CADPS: variants seen among roughly 807,000 people sequenced by gnomAD.
The protein encoded by CADPS is calcium-dependent secretion activator 1.
Under a neutral mutation model 167.3 loss-of-function variants are expected in CADPS, and 57 were observed. The ratio of observed to expected loss-of-function variants is 0.34; its 90% CI spans 0.28 to 0.42. CADPS has a LOEUF of 0.42. Among genes scored for constraint, CADPS ranks in the 20% least tolerant of loss-of-function variants. The pLI, the probability that CADPS is intolerant of heterozygous loss-of-function variation, is 1.00. For synonymous variants in CADPS, 676 were observed against 635.3 expected (o/e 1.06, Z -0.96); for missense variants, 1,414 against 1,738.1 (o/e 0.81, Z 3.32).
At chr3:62,529,664 A>G (rs2073192611) in intron 13 of CADPS, among the ~76,000 whole-genome samples, 1 of 152,196 alleles carries the variant, frequency 6.6e-6, no homozygotes, top group Admixed American at 6.5e-5. Flanking sequence ...GACCTTCCCT[A>G]TTGGACCCGC....
chr3:62,847,227 G>A (rs141470686), intron 1 of CADPS, among the ~76,000 whole-genome samples: 3,544 of 147,580 alleles, frequency 0.024, 66 homozygotes, highest in South Asian at 0.067. Flanking sequence ...GTTCTTACCC[G>A]CCACCTCCAG....
intron 6 of CADPS, among the ~76,000 whole-genome samples, chr3:62,633,448 G>T (rs1442972509): frequency 6.6e-6 from 1 of 152,102 alleles, no homozygotes; most frequent in Non-Finnish European, 1.5e-5. Flanking sequence ...GGTCCCGTGA[G>T]ATCTGGCCCC....
chr3:62,814,760 C>A (rs1024281215), intron 1 of CADPS, among the ~76,000 whole-genome samples: 1 of 152,136 alleles, frequency 6.6e-6, no homozygotes, highest in African/African-American at 2.4e-5. Context: ...CTAGGGTATG[C>A]TTTATGCTCC....
rs755137044 is a variant in CADPS, at chr3:62,481,821, A to G, written c.3075T>C (p.Leu1025=). The change falls in exon 22 of 30, where the codon CTT becomes CTC. Residue 1025 remains leucine (L), a synonymous_variant. Coordinates refer to ENST00000383710, the MANE Select transcript of CADPS (RefSeq NM_003716.4). The part of the protein sequence containing the change: ...LPNVNLPNVN[L]PKVPNLPVNI... ...TAACTGGTAGATTTGGTACTTTGGGAAGGTTCACATTGGGTAGGTTCACAT... is the reference window on the plus strand; with the variant it reads ...TAACTGGTAGATTTGGTACTTTGGGGAGGTTCACATTGGGTAGGTTCACAT... 1.2e-5 allele frequency: 20 copies of G among 1,611,568 alleles called. No individual in the cohort carries two copies. In the Admixed American group the frequency reaches 3.4e-4, roughly 27 times the overall value.
At chr3:62,569,314 C>G (rs1307703527) in intron 9 of CADPS, among the ~76,000 whole-genome samples, 2 of 152,158 alleles carry the variant, frequency 1.3e-5, no homozygotes, top group African/African-American at 4.8e-5. Context: ...GTTGGCCAGG[C>G]TAGTCTTGAA....
At chr3:62,456,964 C>T (rs2058759131) in intron 26 of CADPS, among the ~76,000 whole-genome samples, 1 of 152,040 alleles carries the variant, frequency 6.6e-6, no homozygotes, top group South Asian at 2.1e-4. Context: ...TCAGTGGAAA[C>T]ATTGAACCAG....
At chr3:62,620,169 C>G (rs1266107113) in intron 6 of CADPS, among the ~76,000 whole-genome samples, 2 of 152,026 alleles carry the variant, frequency 1.3e-5, no homozygotes, top group South Asian at 4.1e-4. Flanking sequence ...TTAGACAGAG[C>G]CAGCTTTTCT....
At chr3:62,596,144 T>C (rs546732977) in intron 6 of CADPS, among the ~76,000 whole-genome samples, 20 of 143,186 alleles carry the variant, frequency 1.4e-4, no homozygotes, top group African/African-American at 5.0e-4. Context: ...CACACACACA[T>C]ATCCTATTAG....
At chr3:62,607,466 C>T (rs570153113) in intron 6 of CADPS, among the ~76,000 whole-genome samples, 23 of 152,324 alleles carry the variant, frequency 1.5e-4, no homozygotes, top group African/African-American at 4.6e-4. Flanking sequence ...CACTCCCGAT[C>T]GAGCCTCCCA....
At chr3:62,402,812 C>T (rs79005719) in intron 29 of CADPS, among the ~76,000 whole-genome samples, 25 of 152,198 alleles carry the variant, frequency 1.6e-4, no homozygotes, top group Admixed American at 4.6e-4. Flanking sequence ...GCAAAGGACA[C>T]GATGGCCTCT....
At position 62,874,892 on chromosome 3, in the gene CADPS, G is replaced by A. The variant is rs955284203; in HGVS notation, c.138C>T (p.Ala46=). The change falls in exon 1 of 30, where the codon GCC becomes GCT. Residue 46 remains alanine, a synonymous_variant. Coordinates refer to ENST00000383710, the MANE Select transcript of CADPS (RefSeq NM_003716.4). This position sits in a 1 kb window ranked among gnomAD's most constrained non-coding sequence, Gnocchi z 7.1. ...SRTSEGSAGS[A]GLGGGGAGAG... ...CGCCGGCGCCGCCGCCCCCCAGCCCGGCGCTGCCGGCCGAGCCCTCGCTGG... is the reference window on the plus strand; with the variant it reads ...CGCCGGCGCCGCCGCCCCCCAGCCCAGCGCTGCCGGCCGAGCCCTCGCTGG... The A allele has an allele frequency of 1.1e-5, 15 of 1,315,802 alleles. No homozygotes were observed. The highest frequency in any genetic ancestry group is 1.9e-5 in the South Asian group (1 of 52,522). The allele number at this position is 1,315,802 out of a possible 1,614,324, so 81.5% of individuals were successfully genotyped here. A position where few individuals can be genotyped will look rare whatever the true frequency, so the allele number is the denominator to read the frequency against.
At chr3:62,553,949 C>T (rs1030990182) in intron 10 of CADPS, among the ~76,000 whole-genome samples, 2 of 152,146 alleles carry the variant, frequency 1.3e-5, no homozygotes, top group South Asian at 2.1e-4. Flanking sequence ...CAAAAAGACA[C>T]GTCTGGGAAT....
intron 9 of CADPS, among the ~76,000 whole-genome samples, chr3:62,560,201 C>A (rs2078905309): frequency 6.6e-6 from 1 of 152,040 alleles, no homozygotes; most frequent in Non-Finnish European, 1.5e-5. Flanking sequence ...TTGAATGATT[C>A]TAATTATTGG....
chr3:62,423,576 C>T (rs1360482745), intron 28 of CADPS, among the ~76,000 whole-genome samples: 1 of 152,162 alleles, frequency 6.6e-6, no homozygotes, highest in Non-Finnish European at 1.5e-5. Flanking sequence ...TTCTTGTGGT[C>T]AGAAAGAAAG....
In CADPS at chr3:62,433,678, C is replaced by A. The variant is rs940005129; in HGVS notation, c.3777+4426G>T. Among the ~76,000 whole-genome samples the A allele has an allele frequency of 6.6e-6, 1 of 152,120 alleles. No individual in the cohort carries two copies. Among genetic ancestry groups the A allele is most frequent in the Non-Finnish European group, 1.5e-5 (1 of 68,026 alleles). ...AGATGGCTTTTTAATCACTCATCTCCGAGCCTGTGAGGTTTAAGCAGATGA... is the reference window on the plus strand; with the variant it reads ...AGATGGCTTTTTAATCACTCATCTCAGAGCCTGTGAGGTTTAAGCAGATGA... On this transcript the variant is annotated intron_variant, in intron 28 of 29. Transcript: ENST00000383710. The surrounding 1 kb of genome is among the most constrained non-coding windows in gnomAD (Gnocchi z 4.7).
Position 62,814,275 on chromosome 3 carries a change from T to G in CADPS, c.442-48291A>C, listed in dbSNP as rs778952314. The G allele has an allele frequency of 2.0e-5, 3 of 152,148 alleles. No homozygotes were observed. The East Asian group carries it at 5.8e-4, about 29-fold the overall frequency. The allele number at this position is 152,148 out of a possible 1,614,324, so 9.4% of individuals were successfully genotyped here. ...TGTAACAGAAGCCACACATGTAACTTTAAATTTTTATAGCTCCCTTAATAA... is the reference window on the plus strand; with the variant it reads ...TGTAACAGAAGCCACACATGTAACTGTAAATTTTTATAGCTCCCTTAATAA... On this transcript the variant is annotated intron_variant, in intron 1 of 29. Transcript: ENST00000383710.
chr3:62,525,717 CTG>C (rs1577220995), intron 13 of CADPS, among the ~76,000 whole-genome samples: 1 of 130,882 alleles, frequency 7.6e-6, no homozygotes, highest in East Asian at 2.0e-4. Flanking sequence ...GTGTGTGTGT[CTG>C]TGTGTCTGTG....
chr3:62,418,630 C>G (rs1560115754), intron 28 of CADPS, among the ~76,000 whole-genome samples: 1 of 151,614 alleles, frequency 6.6e-6, no homozygotes, highest in Non-Finnish European at 1.5e-5. Flanking sequence ...TGTGAGCCAC[C>G]AAGCCCGGCT....
At chr3:62,579,954 G>C (rs1015535929) in intron 8 of CADPS, among the ~76,000 whole-genome samples, 1 of 152,162 alleles carries the variant, frequency 6.6e-6, no homozygotes, top group Non-Finnish European at 1.5e-5. Flanking sequence ...GGAAGCAGGG[G>C]TGAAAGGTTG....
Sources: gnomAD v4.1 joint callset for allele counts (sites outside exome capture counted in the v4.1 genomes callset) on GRCh38, gnomAD v4.1.1 for gene constraint, Gnocchi (gnomAD v3.1) non-coding constraint, MANE v1.5 for transcripts, NCBI Gene and HGNC (gene_info 2026-07-23, HGNC 2026-07-21) for gene names.